FBXO10: variants seen among roughly 807,000 people sequenced by gnomAD.
The protein encoded by FBXO10 is F-box protein 10.
In FBXO10, 39 loss-of-function variants were observed where a neutral mutation model predicts 80.7. That is an observed-to-expected ratio of 0.48 (90% CI 0.37 to 0.63). FBXO10 has a LOEUF of 0.63. Ranked by LOEUF, FBXO10 falls within the 30% of genes least tolerant of loss-of-function variation. The pLI, the probability that FBXO10 is intolerant of heterozygous loss-of-function variation, is 0.00. For synonymous variants in FBXO10, 449 were observed against 489.6 expected, an observed-to-expected ratio of 0.92 and a Z score of 1.09; for missense variants, 1,025 against 1,269.0, an observed-to-expected ratio of 0.81 and a Z score of 2.92.
Position 37,531,917 on chromosome 9 carries a change from G to A in FBXO10, c.1561C>T (p.Leu521Phe), listed in dbSNP as rs761664404. ...GVDIRKKSNP[L>F]ILCNQIHHGL... ...GAACGAACACAAAGTACCAGTATGA[G>A]TGGGTTGGACTTTTTCCGGATGTCT... The change falls in exon 4 of 11, where the codon CTC becomes TTC. Residue 521 changes from leucine (L) to phenylalanine (F), a missense_variant. Physicochemically the swap from Leu to Phe is conservative, Grantham distance 22. Transcript: ENST00000432825. The A allele has an allele frequency of 1.2e-6, 2 of 1,613,670 alleles. No homozygotes were observed. Among genetic ancestry groups the A allele is most frequent in the Non-Finnish European group, 1.7e-6 (2 of 1,179,744 alleles).
chr9:37,524,436 C>T (rs981618869), intron 6 of FBXO10, among the ~76,000 whole-genome samples: 19 of 152,212 alleles, frequency 1.2e-4, no homozygotes, highest in Non-Finnish European at 1.6e-4. Context: ...GTATACCACA[C>T]GTGCTCAATC....
chr9:37,541,588 G>C lies in FBXO10; in HGVS notation c.181C>G (p.Pro61Ala). 6.2e-7 allele frequency: 1 copy of C among 1,613,650 alleles called. No homozygotes were observed. The change falls in exon 2 of 11, where the codon CCC (proline) becomes GCC (alanine). Residue 61 changes from proline to alanine, a missense_variant. This residue lies in a region of FBXO10 where 450 missense variants were observed against 499.4 expected (regional missense o/e 0.90). Coordinates refer to ENST00000432825, the MANE Select transcript of FBXO10 (RefSeq NM_012166.3). ...TCAGGCTCCACATCTGGCTGGTTGG[G>C]CCAATTGGGATGGCGGCACTCGGTG... ...GCTECRHPNW[P>A]NQPDVEPESW...
At chr9:37,563,820 G>A (rs1168425614) in intron 1 of FBXO10, among the ~76,000 whole-genome samples, 1 of 152,220 alleles carries the variant, frequency 6.6e-6, no homozygotes, top group Non-Finnish European at 1.5e-5. Flanking sequence ...GAATTTTAAG[G>A]TTTAATGACT....
intron 1 of FBXO10, among the ~76,000 whole-genome samples, chr9:37,556,126 AAAAC>A (rs1201176612): frequency 6.6e-6 from 1 of 152,214 alleles, no homozygotes; most frequent in African/African-American, 2.4e-5. Context: ...TTTTTCAAAA[AAAAC>A]AAACAATGGT....
chr9:37,547,582 G>A (rs935112114), intron 1 of FBXO10, among the ~76,000 whole-genome samples: 1 of 152,148 alleles, frequency 6.6e-6, no homozygotes, highest in Non-Finnish European at 1.5e-5. Flanking sequence ...CTGCACTCAA[G>A]CTTGGGTGAC....
intron 1 of FBXO10, among the ~76,000 whole-genome samples, chr9:37,544,561 G>A (rs998442374): frequency 1.1e-4 from 16 of 152,316 alleles, no homozygotes; most frequent in African/African-American, 3.6e-4. Flanking sequence ...GCCCCAAGAA[G>A]GCTAGGAGCA....
At chr9:37,560,413 A>G (rs1822447896) in intron 1 of FBXO10, among the ~76,000 whole-genome samples, 1 of 152,056 alleles carries the variant, frequency 6.6e-6, no homozygotes. Context: ...ATTTCCTAGC[A>G]GGTTACTGTC....
In FBXO10 at chr9:37,518,451, G is replaced by A; in HGVS notation, c.2201-13C>T. On this transcript the variant is annotated splice_polypyrimidine_tract_variant and intron_variant, in intron 8 of 10. Coordinates refer to ENST00000432825, the MANE Select transcript of FBXO10 (RefSeq NM_012166.3). ...TAGAGTCCTGAGGCTATGGGTGGAAGGGTTGGAAAGCACAGGGGGTCCCAG... is the reference window on the plus strand; with the variant it reads ...TAGAGTCCTGAGGCTATGGGTGGAAAGGTTGGAAAGCACAGGGGGTCCCAG... 6.4e-7 allele frequency: 1 copy of A among 1,564,142 alleles called. No individual in the cohort carries two copies. The highest frequency in any genetic ancestry group is 8.7e-7 in the Non-Finnish European group (1 of 1,153,260).
Position 37,511,183 on chromosome 9 carries a change from A to T in FBXO10, c.*1364T>A, listed in dbSNP as rs1821045097. ...AACCAGCCACGCAGCCAAGTGCACG[A>T]CAGTGACCCCAGCAGGCTGGTGAAG... On this transcript the variant is annotated 3_prime_UTR_variant, in exon 11 of 11. Transcript: ENST00000432825. 1 of 152,190 alleles carries T rather than the reference A, an allele frequency of 6.6e-6. No homozygotes were observed. The highest frequency in any genetic ancestry group is 6.6e-5 in the Admixed American group (1 of 15,242). 9.4% of individuals were successfully genotyped at this position (152,190 alleles called of 1,614,324 possible).
At position 37,541,484 on chromosome 9, in the gene FBXO10, G is replaced by A; in HGVS notation, c.285C>T (p.Ser95=). Residue 95 remains serine (S), a synonymous_variant, in exon 2 of 11, where the codon TCC becomes TCT. Coordinates refer to ENST00000432825, the MANE Select transcript of FBXO10 (RefSeq NM_012166.3). ...WTKNALDLES[S]ICFSLFRRRR... is the part of the protein sequence containing the mutation. Reference sequence around the variant, plus strand: ...TCCGGCGGAATAGAGAAAAGCAGATGGAAGACTCCAAGTCCAAGGCATTCT... The same window carrying A: ...TCCGGCGGAATAGAGAAAAGCAGATAGAAGACTCCAAGTCCAAGGCATTCT... 2 of 1,614,022 alleles carry A rather than the reference G, an allele frequency of 1.2e-6. No individual in the cohort carries two copies. The highest frequency in any genetic ancestry group is 1.7e-6 in the Non-Finnish European group (2 of 1,179,880).
rs143740021 is a variant in FBXO10 at position 37,519,963 on chromosome 9, C to T, written c.2201-1525G>A. ...TCAGCCTCCCTAGTAGTTGGAACTA[C>T]AGGCATGTACCACCATGCCCAGCTA... On this transcript the variant is annotated intron_variant, in intron 8 of 10. Coordinates refer to ENST00000432825, the MANE Select transcript of FBXO10 (RefSeq NM_012166.3). Among the ~76,000 whole-genome samples the T allele has an allele frequency of 5.0e-4, 76 of 152,254 alleles. 1 individual carries two copies. The highest frequency in any genetic ancestry group is 7.8e-4 in the Admixed American group (12 of 15,290).
chr9:37,518,601 A>G (rs1282204123), intron 8 of FBXO10, among the ~76,000 whole-genome samples, 163 bp from the exon 9 acceptor site: 1 of 152,184 alleles, frequency 6.6e-6, no homozygotes, highest in Non-Finnish European at 1.5e-5. Flanking sequence ...TTCCAAGCTG[A>G]TGAAACAGCA....
At position 37,521,672 on chromosome 9, in the gene FBXO10, C is replaced by G. The variant is rs1278345581; in HGVS notation, c.2097G>C (p.Gly699=). ...HRAQENFSED[G]DAILWETELE... ...GCTCTGTCTCCCAGAGGATGGCGTC[C>G]CCATCCTCGCTGAAGTTCTCTTGAG... The change falls in exon 8 of 11, where the codon GGG becomes GGC. Residue 699 remains glycine, a synonymous_variant. Coordinates refer to ENST00000432825, the MANE Select transcript of FBXO10 (RefSeq NM_012166.3). 6.2e-7 allele frequency: 1 copy of G among 1,613,918 alleles called. No homozygotes were observed. The highest frequency in any genetic ancestry group is 1.1e-5 in the South Asian group (1 of 91,076).
chr9:37,574,709 T>C (rs559812729), intron 1 of FBXO10, among the ~76,000 whole-genome samples: 34 of 152,304 alleles, frequency 2.2e-4, no homozygotes, highest in Admixed American at 4.6e-4. Flanking sequence ...GTAAGCTCAC[T>C]GGGAGCTGCA....
In FBXO10 at chr9:37,565,058, G is replaced by A. The variant is rs117648047; in HGVS notation, c.-7+11153C>T. Reference sequence around the variant, plus strand: ...TAGAGGTAATTGGATCATGGGGCACGGTTTCCCCCATGCTGTTCTCGTGAT... The same window carrying A: ...TAGAGGTAATTGGATCATGGGGCACAGTTTCCCCCATGCTGTTCTCGTGAT... On this transcript the variant is annotated intron_variant, in intron 1 of 10. Coordinates refer to ENST00000432825, the MANE Select transcript of FBXO10 (RefSeq NM_012166.3). 6.2e-3 allele frequency among the ~76,000 whole-genome samples: 939 copies of A among 152,198 alleles called. 12 individuals are homozygous for A. Among genetic ancestry groups the A allele is most frequent in the Middle Eastern group, 0.024 (7 of 294 alleles).
At position 37,512,759 on chromosome 9, in the gene FBXO10, G is replaced by T. The variant is rs762032999; in HGVS notation, c.2697-38C>A. ...AACGAAAGTCAGTGAACTTCTGAGG[G>T]GTGTGCAGTGCTGGCTGAATGCCCT... On this transcript the variant is annotated intron_variant, in intron 10 of 10. Transcript: ENST00000432825. 4 of 1,594,858 alleles carry T rather than the reference G, an allele frequency of 2.5e-6. No homozygotes were observed. In the South Asian group the frequency reaches 4.5e-5, roughly 18 times the overall value.
At chr9:37,545,245 C>T (rs1162575858) in intron 1 of FBXO10, among the ~76,000 whole-genome samples, 4 of 131,898 alleles carry the variant, frequency 3.0e-5, no homozygotes, top group Non-Finnish European at 6.1e-5. Flanking sequence ...GGTGCGATCT[C>T]GGCTCACTGC....
intron 3 of FBXO10, among the ~76,000 whole-genome samples, chr9:37,534,737 G>C (rs2119105717): frequency 6.6e-6 from 1 of 152,312 alleles, no homozygotes; most frequent in South Asian, 2.1e-4. Context: ...ACAAAAGTGA[G>C]AGAGGCATTA....
chr9:37,517,949 G>A (rs993858911), intron 9 of FBXO10, among the ~76,000 whole-genome samples, 176 bp downstream of exon 9: 7 of 150,274 alleles, frequency 4.7e-5, no homozygotes, highest in Non-Finnish European at 6.0e-5. Context: ...CAGCTTCTCC[G>A]TCCCCCCCTG....
Sources: allele counts gnomAD v4.1 joint callset (sites outside exome capture counted in the v4.1 genomes callset), GRCh38; gene constraint gnomAD v4.1.1; regional missense constraint gnomAD v4.1.1; transcripts MANE v1.5; gene names NCBI Gene and HGNC (gene_info 2026-07-23, HGNC 2026-07-21).